The following PHF14 variants were observed in gnomAD, a reference collection of about 807,000 sequenced individuals.
PHF14 encodes the protein PHD finger protein 14.
PHF14 carries 55 observed loss-of-function variants against 117.9 expected under a neutral mutation model. The ratio of observed to expected loss-of-function variants is 0.47; its 90% CI spans 0.38 to 0.58. The LOEUF (loss-of-function observed/expected upper bound fraction) is 0.58. Ranked by LOEUF, PHF14 falls within the 20% of genes least tolerant of loss-of-function variation. The pLI, the probability that PHF14 is intolerant of heterozygous loss-of-function variation, is 0.00. For missense variants in PHF14, 978 were observed against 1,122.2 expected (o/e 0.87, Z 1.84); for synonymous variants, 409 against 368.6 (o/e 1.11, Z -1.26).
At chr7:11,062,641 C>T (rs771591656) in intron 16 of PHF14, 143 of 947,684 alleles carry the variant, frequency 1.5e-4, no homozygotes, top group Non-Finnish European at 1.7e-4. Context: ...TTCTTTGTTT[C>T]GTTTTGGTAC....
intron 17 of PHF14, among the ~76,000 whole-genome samples, chr7:11,168,487 A>G (rs971425926): frequency 2.0e-4 from 31 of 152,314 alleles, no homozygotes; most frequent in African/African-American, 6.3e-4. Context: ...ATTTAATTCA[A>G]TGATTTAATT....
chr7:11,105,682 A>G, intron 16 of PHF14: 2 of 984,128 alleles, frequency 2.0e-6, no homozygotes, highest in Non-Finnish European at 2.4e-6. Context: ...TAAGATAGGC[A>G]TGCTTTGCAA....
chr7:11,104,902 C>G (rs1224617349), intron 16 of PHF14: 2 of 977,734 alleles, frequency 2.0e-6, no homozygotes, highest in African/African-American at 3.5e-5. Flanking sequence ...TTGTGTTGTG[C>G]TTAACATTGA....
chr7:11,077,545 G>A (rs1050531017), intron 16 of PHF14, among the ~76,000 whole-genome samples: 31 of 145,530 alleles, frequency 2.1e-4, no homozygotes, highest in African/African-American at 7.8e-4. Flanking sequence ...AGGTTGTAGT[G>A]AGCCCAGATC....
Position 10,974,817 on chromosome 7 carries a change from A to G in PHF14, c.2-18A>G. The G allele has an allele frequency of 7.4e-7, 1 of 1,345,168 alleles. No individual in the cohort carries two copies. The highest frequency in any genetic ancestry group is 1.0e-6 in the Non-Finnish European group (1 of 962,748). 83.3% of individuals were successfully genotyped at this position (1,345,168 alleles called of 1,614,324 possible). A position where few individuals can be genotyped will look rare whatever the true frequency, so the allele number is the denominator to read the frequency against. ...TGGTGTGATTATGAATGACAATGTA[A>G]TTTTTTTCTCTTCACAGTGGATCGC... On this transcript the variant is annotated intron_variant, in intron 1 of 17. Coordinates refer to ENST00000634607, the MANE Select transcript of PHF14 (RefSeq NM_001007157.2).
chr7:11,039,412 T>TA (rs1784430369), intron 11 of PHF14, among the ~76,000 whole-genome samples: 1 of 152,206 alleles, frequency 6.6e-6, no homozygotes, highest in Non-Finnish European at 1.5e-5. Flanking sequence ...AAAAAAACTT[T>TA]ATTCATGAAC....
intron 2 of PHF14, 61 bp downstream of exon 2, chr7:10,975,006 C>A: frequency 1.2e-6 from 1 of 837,408 alleles, no homozygotes; most frequent in Non-Finnish European, 1.9e-6. Context: ...TATTTTTAGA[C>A]TTTTTAAATC....
intron 11 of PHF14, among the ~76,000 whole-genome samples, chr7:11,039,641 T>C (rs1239900712): frequency 6.6e-6 from 1 of 152,190 alleles, no homozygotes; most frequent in Admixed American, 6.5e-5. Context: ...TCATTATACT[T>C]GTTTTAGAGG....
At chr7:11,021,442 T>C (rs1471784858) in intron 5 of PHF14, among the ~76,000 whole-genome samples, 1 of 152,180 alleles carries the variant, frequency 6.6e-6, no homozygotes, top group Non-Finnish European at 1.5e-5. Flanking sequence ...ATAGGTATTT[T>C]AATGAGGACT....
intron 17 of PHF14, 84 bp downstream of exon 17, chr7:11,111,551 G>T: frequency 7.9e-6 from 5 of 636,152 alleles, no homozygotes; most frequent in Non-Finnish European, 1.4e-5. Flanking sequence ...CTTCTTTAAA[G>T]ATAATTGGAA....
At chr7:11,062,353 C>G (rs1188911730) in intron 16 of PHF14, 1 of 234,408 alleles carries the variant, frequency 4.3e-6, no homozygotes, top group South Asian at 1.3e-4. Flanking sequence ...ACAGTGCTCT[C>G]TATTTAGAGG....
chr7:11,080,104 A>C (rs866182091), intron 16 of PHF14, among the ~76,000 whole-genome samples: 1 of 152,238 alleles, frequency 6.6e-6, no homozygotes, highest in African/African-American at 2.4e-5. Context: ...ATGAGTTCAA[A>C]GTTTATTTGC....
chr7:11,035,751 CAA>C lies in PHF14; in HGVS notation c.1568_1569del (p.Gln523ArgfsTer55). ...ALQSYCKMSLQEREKQLSPEA... is the reference protein window; with the variant it reads ...ALQSYCKMSLXEREKQLSPEA... ...ACAGTCCTATTGTAAAATGTCTTTG[CAA>C]GAGAGAGAGAAGCAACTATCACCAG... On this transcript the variant is annotated frameshift_variant, in exon 8 of 18. Coordinates refer to ENST00000634607, the MANE Select transcript of PHF14 (RefSeq NM_001007157.2). LOFTEE classifies it high-confidence loss of function. 6.2e-7 allele frequency: 1 copy of C among 1,608,360 alleles called. No individual in the cohort carries two copies. Among genetic ancestry groups the C allele is most frequent in the Non-Finnish European group, 8.5e-7 (1 of 1,176,632 alleles).
chr7:11,083,742 G>C (rs754657125), intron 16 of PHF14, among the ~76,000 whole-genome samples: 17 of 152,054 alleles, frequency 1.1e-4, no homozygotes, highest in Admixed American at 7.9e-4. Flanking sequence ...GTACAGGTGT[G>C]AGTCACCACA....
At chr7:11,106,050 T>G (rs922711094) in intron 16 of PHF14, 5 of 983,646 alleles carry the variant, frequency 5.1e-6, no homozygotes, top group Non-Finnish European at 6.0e-6. Context: ...GTTTCAGGTA[T>G]GGAAATGTCT....
chr7:10,998,469 C>T (rs1055670882), intron 4 of PHF14, among the ~76,000 whole-genome samples: 1 of 151,958 alleles, frequency 6.6e-6, no homozygotes, highest in Non-Finnish European at 1.5e-5. Context: ...CACACATACA[C>T]AGCAATAAGA....
chr7:11,040,621 C>T, intron 11 of PHF14, 51 bp from the exon 12 acceptor site: 1 of 956,606 alleles, frequency 1.0e-6, no homozygotes, highest in Non-Finnish European at 1.5e-6. Flanking sequence ...GAAAATGTTG[C>T]TTTTATTTCT....
intron 14 of PHF14, among the ~76,000 whole-genome samples, chr7:11,060,593 A>G (rs1023427273): frequency 6.6e-6 from 1 of 152,192 alleles, no homozygotes; most frequent in Non-Finnish European, 1.5e-5. Context: ...CTGCATTTCT[A>G]ATAGACACTC....
chr7:11,144,759 T>TG (rs903612896), intron 17 of PHF14, among the ~76,000 whole-genome samples: 1 of 151,594 alleles, frequency 6.6e-6, no homozygotes, highest in Non-Finnish European at 1.5e-5. Context: ...TGTGGTGATG[T>TG]GGGGGGAAGA....
Sources: allele counts gnomAD v4.1 joint callset (sites outside exome capture counted in the v4.1 genomes callset), GRCh38; gene constraint gnomAD v4.1.1; transcripts MANE v1.5; gene names NCBI Gene and HGNC (gene_info 2026-07-23, HGNC 2026-07-21).